The following MED15 variants were observed in gnomAD, a reference collection of about 807,000 sequenced individuals.
The protein encoded by MED15 is mediator complex subunit 15, also known as mediator of RNA polymerase II transcription subunit 15.
MED15 carries 41 observed loss-of-function variants against 118.7 expected under a neutral mutation model. The observed-to-expected ratio is 0.35, with a 90% confidence interval of 0.27 to 0.45. MED15 has a LOEUF of 0.45. Among genes scored for constraint, MED15 ranks in the 20% least tolerant of loss-of-function variants. The probability of loss-of-function intolerance (pLI) is 1.00; values close to 1 mark genes in which losing one functional copy is unlikely to be tolerated. For missense variants in MED15, 740 were observed against 1,025.5 expected (o/e 0.72, Z 3.80); for synonymous variants, 436 against 413.9 (o/e 1.05, Z -0.65).
intron 5 of MED15, among the ~76,000 whole-genome samples, chr22:20,556,674 G>T (rs146067791): frequency 7.1e-4 from 107 of 151,474 alleles, no homozygotes; most frequent in African/African-American, 2.1e-3. Context: ...ATTTTACCAC[G>T]TGTCAAATCA....
intron 2 of MED15, among the ~76,000 whole-genome samples, chr22:20,537,660 C>G (rs764387666): frequency 1.3e-5 from 2 of 152,232 alleles, no homozygotes; most frequent in Non-Finnish European, 2.9e-5. Flanking sequence ...ATCTAGAACT[C>G]GCCACAGGTG....
intron 1 of MED15, among the ~76,000 whole-genome samples, chr22:20,535,855 A>G (rs2055055375): frequency 7.1e-6 from 1 of 140,206 alleles, no homozygotes; most frequent in Non-Finnish European, 1.5e-5. Flanking sequence ...CACCGTGCTC[A>G]GCCTGCTTCT....
intron 5 of MED15, among the ~76,000 whole-genome samples, chr22:20,561,716 A>T (rs186070747): frequency 1.5e-4 from 23 of 152,294 alleles, no homozygotes; most frequent in African/African-American, 5.5e-4. Context: ...AGGATTTAAA[A>T]ATAAAAGATG....
At chr22:20,521,086 C>CTTT (rs1419116029) in intron 1 of MED15, among the ~76,000 whole-genome samples, 52 of 100,708 alleles carry the variant, frequency 5.2e-4, no homozygotes, top group East Asian at 2.7e-3. Flanking sequence ...AGCAGTTGTT[C>CTTT]TATTTTTTTT....
intron 5 of MED15, among the ~76,000 whole-genome samples, chr22:20,557,998 C>A (rs867765073): frequency 6.6e-6 from 1 of 152,196 alleles, no homozygotes; most frequent in East Asian, 1.9e-4. Context: ...CCCAGCTACT[C>A]GGGAGACTAA....
intron 6 of MED15, among the ~76,000 whole-genome samples, chr22:20,565,453 A>G (rs2146587635): frequency 6.6e-6 from 1 of 152,242 alleles, no homozygotes; most frequent in South Asian, 2.1e-4. Context: ...GGTGATGGTG[A>G]TGTCATGTTA....
chr22:20,582,338 C>T, intron 9 of MED15: 1 of 558,264 alleles, frequency 1.8e-6, no homozygotes, highest in Non-Finnish European at 3.2e-6. Flanking sequence ...ACTCCCACGA[C>T]ACAGCCCTCA....
At chr22:20,567,604 C>T (rs1455001930) in intron 7 of MED15, among the ~76,000 whole-genome samples, 1 of 152,204 alleles carries the variant, frequency 6.6e-6, no homozygotes, top group Non-Finnish European at 1.5e-5. Flanking sequence ...CTGCCTGACC[C>T]CGGGGACTGT....
intron 1 of MED15, chr22:20,508,142 C>A: frequency 8.1e-7 from 1 of 1,227,928 alleles, no homozygotes; most frequent in Non-Finnish European, 1.0e-6. Context: ...AAAAGCGCAT[C>A]AACGGTGAAA....
At chr22:20,577,006 A>G (rs2056842923) in intron 9 of MED15, among the ~76,000 whole-genome samples, 1 of 152,178 alleles carries the variant, frequency 6.6e-6, no homozygotes, top group South Asian at 2.1e-4. Context: ...CAATGTTTTC[A>G]GTGTGCGATA....
intron 1 of MED15, among the ~76,000 whole-genome samples, chr22:20,526,758 C>G (rs2054660677): frequency 6.6e-6 from 1 of 152,148 alleles, no homozygotes; most frequent in Admixed American, 6.5e-5. Context: ...GGGCGGTGAC[C>G]CTCTTGGACC....
chr22:20,574,933 C>A, intron 8 of MED15, 180 bp from the exon 9 acceptor site: 1 of 760,350 alleles, frequency 1.3e-6, no homozygotes, highest in Non-Finnish European at 2.2e-6. Flanking sequence ...CCAGACAGAC[C>A]TGGAGGTGCT....
chr22:20,517,501 GCTGCCCCCACCACCCTGCTCTTTTCA>G (rs889315733), intron 1 of MED15, among the ~76,000 whole-genome samples: 1 of 152,148 alleles, frequency 6.6e-6, no homozygotes, highest in South Asian at 2.1e-4. Flanking sequence ...TGGGCCTTCT[GCTGCCCCCACCACCCTGCTCTTTTCA>G]CTGCCCCCAC....
At chr22:20,520,760 C>T (rs1215658931) in intron 1 of MED15, among the ~76,000 whole-genome samples, 1 of 152,094 alleles carries the variant, frequency 6.6e-6, no homozygotes, top group East Asian at 1.9e-4. Context: ...TTTTTCGAGA[C>T]AGGGTCTCGC....
At chr22:20,534,769 C>T (rs568253893) in intron 1 of MED15, among the ~76,000 whole-genome samples, 3 of 152,296 alleles carry the variant, frequency 2.0e-5, no homozygotes, top group South Asian at 4.1e-4. Flanking sequence ...ACCCATGCCT[C>T]GCTTCCCCAG....
rs139254277 is a variant in MED15 at position 20,582,940 on chromosome 22, C to T, written c.1510C>T (p.Pro504Ser). The change falls in exon 11 of 18, where the codon CCC becomes TCC. Residue 504 changes from proline (P) to serine (S), a missense_variant. Around this residue, in one of 7 missense-constraint regions of MED15, gnomAD observed 384 missense variants for 506.3 expected, o/e 0.76. Coordinates refer to ENST00000263205, the MANE Select transcript of MED15 (RefSeq NM_001003891.3). Reference protein sequence around the residue: ...TARTPQNFSVPSPGPLNTPVN... With the variant: ...TARTPQNFSVSSPGPLNTPVN... ...GCGGACCCCACAGAACTTCAGTGTC[C>T]CCTCACCTGGACCTTTAAACACACC... 2 of 1,613,736 alleles carry T rather than the reference C, an allele frequency of 1.2e-6. No homozygotes were observed. The highest frequency in any genetic ancestry group is 1.7e-6 in the Non-Finnish European group (2 of 1,179,984).
At chr22:20,542,325 G>A (rs2055345188) in intron 2 of MED15, among the ~76,000 whole-genome samples, 1 of 152,124 alleles carries the variant, frequency 6.6e-6, no homozygotes, top group South Asian at 2.1e-4. Context: ...CAACCCAAAT[G>A]TCTACCAGCT....
Position 20,555,015 on chromosome 22 carries a change from G to T in MED15, c.318G>T (p.Pro106=), listed in dbSNP as rs768430199. The T allele has an allele frequency of 6.2e-7, 1 of 1,612,406 alleles. No homozygotes were observed. The highest frequency in any genetic ancestry group is 1.3e-5 in the African/African-American group (1 of 75,030). ...GAATTGGCATGCCTCCTCGGGGCCCGGGACAGTCTCTGGGCGGGATGGGTA... is the reference window on the plus strand; with the variant it reads ...GAATTGGCATGCCTCCTCGGGGCCCTGGACAGTCTCTGGGCGGGATGGGTA... ...AAGIGMPPRG[P]GQSLGGMGSL... The change falls in exon 5 of 18, where the codon CCG becomes CCT. Residue 106 remains proline (P), a synonymous_variant. Transcript: ENST00000263205.
At chr22:20,507,995 C>G (rs2053929768) in intron 1 of MED15, 2 of 1,426,090 alleles carry the variant, frequency 1.4e-6, no homozygotes, top group Non-Finnish European at 1.8e-6. Context: ...TCGTCTTGAG[C>G]TTTCTCATTC....
Sources: gnomAD v4.1 joint callset for allele counts (sites outside exome capture counted in the v4.1 genomes callset) on GRCh38, gnomAD v4.1.1 for gene constraint, gnomAD v4.1.1 regional missense constraint, MANE v1.5 for transcripts, NCBI Gene and HGNC (gene_info 2026-07-23, HGNC 2026-07-21) for gene names.